PRKN: variants seen among roughly 807,000 people sequenced by gnomAD.
The protein encoded by PRKN is parkin RBR E3 ubiquitin protein ligase, also known as E3 ubiquitin-protein ligase parkin.
Under a neutral mutation model 59.5 loss-of-function variants are expected in PRKN, and 56 were observed. The observed-to-expected ratio is 0.94, with a 90% CI of 0.76 to 1.18. PRKN has a LOEUF of 1.18. PRKN is among the 50% of genes most tolerant of loss of function. PRKN has a pLI of 0.00. For missense variants in PRKN, 657 were observed against 596.4 expected (o/e 1.10, Z -1.06); for synonymous variants, 250 against 222.1 (o/e 1.13, Z -1.12).
At chr6:162,213,753 T>C (rs1777509129) in intron 3 of PRKN, among the ~76,000 whole-genome samples, 1 of 148,358 alleles carries the variant, frequency 6.7e-6, no homozygotes. Flanking sequence ...AAAAAAAATG[T>C]ATATTTTGTA....
chr6:162,246,099 C>T (rs1283744663), intron 3 of PRKN, among the ~76,000 whole-genome samples: 1 of 152,078 alleles, frequency 6.6e-6, no homozygotes, highest in Non-Finnish European at 1.5e-5. Context: ...CTGTTGCCTC[C>T]GTTGTGTGAA....
At chr6:161,519,144 T>G (rs1233206063) in intron 9 of PRKN, among the ~76,000 whole-genome samples, 1 of 152,008 alleles carries the variant, frequency 6.6e-6, no homozygotes, top group African/African-American at 2.4e-5. Flanking sequence ...AAGTGGAATG[T>G]TTAATACCAA....
At chr6:162,187,666 TTAAAG>T (rs1358392724) in intron 4 of PRKN, among the ~76,000 whole-genome samples, 4 of 152,154 alleles carry the variant, frequency 2.6e-5, no homozygotes, top group African/African-American at 9.7e-5. Context: ...TAATTGAAAC[TTAAAG>T]TTATCCATTT....
At chr6:161,747,558 T>C (rs1043604922) in intron 7 of PRKN, among the ~76,000 whole-genome samples, 36 of 152,278 alleles carry the variant, frequency 2.4e-4, no homozygotes, top group African/African-American at 8.4e-4. Flanking sequence ...CAAATATTAA[T>C]TGAAACAATT....
chr6:161,435,667 A>C (rs1042846832), intron 9 of PRKN, among the ~76,000 whole-genome samples: 1 of 152,004 alleles, frequency 6.6e-6, no homozygotes, highest in South Asian at 2.1e-4. Flanking sequence ...CTCTGCCTTC[A>C]GAGCTCTCTT....
intron 2 of PRKN, among the ~76,000 whole-genome samples, chr6:162,304,528 T>TGTCTATCTATC (rs1554297805): frequency 7.1e-6 from 1 of 141,462 alleles, no homozygotes; most frequent in East Asian, 2.0e-4. Flanking sequence ...TCTATCTATC[T>TGTCTATCTATC]ATCTATCTAT....
At chr6:162,114,237 T>A (rs1204953143) in intron 4 of PRKN, among the ~76,000 whole-genome samples, 2 of 152,114 alleles carry the variant, frequency 1.3e-5, no homozygotes, top group Non-Finnish European at 2.9e-5. Context: ...AGTATTGTTT[T>A]CCAATTCTGT....
At chr6:161,406,361 A>G (rs535500933) in intron 9 of PRKN, among the ~76,000 whole-genome samples, 3 of 152,162 alleles carry the variant, frequency 2.0e-5, no homozygotes, top group African/African-American at 7.2e-5. Context: ...CTATGGGCAC[A>G]TTTTAGCTAT....
Position 161,526,863 on chromosome 6 carries a change from G to T in PRKN, c.1083+21991C>A, listed in dbSNP as rs61039635. Among the ~76,000 whole-genome samples the T allele has an allele frequency of 0.077, 11,660 of 152,218 alleles. 543 individuals are homozygous for T. The highest frequency in any genetic ancestry group is 0.14 in the African/African-American group (5,927 of 41,516). Reference sequence around the variant, plus strand: ...TCAAAATATAAGGCTCAAAGAAGGGGTAGGTAATTGGAGTTTATATAGAAT... The same window carrying T: ...TCAAAATATAAGGCTCAAAGAAGGGTTAGGTAATTGGAGTTTATATAGAAT... On this transcript the variant is annotated intron_variant, in intron 9 of 11. Coordinates refer to ENST00000366898, the MANE Select transcript of PRKN (RefSeq NM_004562.3). The surrounding 1 kb of genome is among the most constrained non-coding windows in gnomAD (Gnocchi z 4.1).
intron 4 of PRKN, among the ~76,000 whole-genome samples, chr6:162,092,592 A>T (rs1011027279): frequency 6.6e-6 from 1 of 152,244 alleles, no homozygotes; most frequent in Non-Finnish European, 1.5e-5. Flanking sequence ...GTCATACTCC[A>T]TAAGTCTGAA....
intron 4 of PRKN, among the ~76,000 whole-genome samples, chr6:162,060,305 A>G (rs1416410133): frequency 1.3e-5 from 2 of 152,236 alleles, no homozygotes; most frequent in Non-Finnish European, 2.9e-5. Context: ...AGAAGCAGCA[A>G]TTGAATCCTG....
chr6:162,619,256 C>T (rs1782557266), intron 1 of PRKN, among the ~76,000 whole-genome samples: 1 of 151,738 alleles, frequency 6.6e-6, no homozygotes, highest in African/African-American at 2.4e-5. Context: ...GATTCTCCTG[C>T]CTCGGCCTCC....
At chr6:161,438,674 AGAG>A (rs1789045563) in intron 9 of PRKN, among the ~76,000 whole-genome samples, 1 of 152,176 alleles carries the variant, frequency 6.6e-6, no homozygotes. Flanking sequence ...AAACCGAGAG[AGAG>A]AAGAAAATCG....
chr6:162,627,923 CAA>C (rs1782958512), intron 1 of PRKN, among the ~76,000 whole-genome samples: 1 of 152,012 alleles, frequency 6.6e-6, no homozygotes, highest in Middle Eastern at 3.2e-3. Context: ...AACAGGAAAA[CAA>C]GAGACCTAAG....
intron 2 of PRKN, among the ~76,000 whole-genome samples, chr6:162,360,364 C>T (rs767196094): frequency 6.6e-6 from 1 of 152,138 alleles, no homozygotes; most frequent in Non-Finnish European, 1.5e-5. Flanking sequence ...TTCACATATA[C>T]ATCCCCTAAC....
At chr6:162,302,278 T>TACACACACACACACACACACACACAC in intron 2 of PRKN, among the ~76,000 whole-genome samples, 1 of 152,170 alleles carries the variant, frequency 6.6e-6, no homozygotes, top group African/African-American at 2.4e-5. Flanking sequence ...TCCTATTGTG[T>TACACACACACACACACACACACACAC]ATGAGAGGAA....
At chr6:161,871,617 C>A (rs940022959) in intron 6 of PRKN, among the ~76,000 whole-genome samples, 6 of 152,148 alleles carry the variant, frequency 3.9e-5, no homozygotes, top group African/African-American at 4.8e-5. Flanking sequence ...CAGCCAGAGC[C>A]CTCTTCCTTG....
At chr6:161,941,278 G>C (rs182863698) in intron 6 of PRKN, among the ~76,000 whole-genome samples, 372 of 152,288 alleles carry the variant, frequency 2.4e-3, no homozygotes, top group African/African-American at 8.7e-3. Context: ...ACGTTGAGAG[G>C]AGCACATCAG....
chr6:162,626,801 G>A lies in PRKN; in HGVS notation c.7+100861C>T, dbSNP rs535750104. ...TGCACTCCAGCCTGGACAACACAGCGAGACTCTGTCTCCAAAAAAAAAAAA... is the reference window on the plus strand; with the variant it reads ...TGCACTCCAGCCTGGACAACACAGCAAGACTCTGTCTCCAAAAAAAAAAAA... On this transcript the variant is annotated intron_variant, in intron 1 of 11. Transcript: ENST00000366898. Among the ~76,000 whole-genome samples the A allele has an allele frequency of 3.8e-5, 5 of 130,486 alleles. No individual in the cohort carries two copies. The South Asian group carries it at 1.3e-3, about 34-fold the overall frequency. 85.6% of individuals were successfully genotyped at this position (130,486 alleles called of 152,430 possible).
Sources: gnomAD v4.1 joint callset for allele counts (sites outside exome capture counted in the v4.1 genomes callset) on GRCh38, gnomAD v4.1.1 for gene constraint, Gnocchi (gnomAD v3.1) non-coding constraint, MANE v1.5 for transcripts, NCBI Gene and HGNC (gene_info 2026-07-23, HGNC 2026-07-21) for gene names.